Variants in KDM2B observed in about 807,000 individuals in gnomAD.
The protein encoded by KDM2B is lysine demethylase 2B.
Under a neutral mutation model 150.0 loss-of-function variants are expected in KDM2B, and 26 were observed. The observed-to-expected ratio is 0.17, with a 90% CI of 0.13 to 0.24. The LOEUF is 0.24. Among genes scored for constraint, KDM2B ranks in the 10% least tolerant of loss-of-function variants. The pLI is 1.00. For synonymous variants in KDM2B, 734 were observed against 729.5 expected (o/e 1.01, Z -0.10); for missense variants, 1,265 against 1,816.9 (o/e 0.70, Z 5.52).
intron 12 of KDM2B, among the ~76,000 whole-genome samples, chr12:121,492,081 C>T (rs1555300054): frequency 6.6e-6 from 1 of 151,930 alleles, no homozygotes; most frequent in African/African-American, 2.4e-5. Flanking sequence ...TCGCTTGATC[C>T]AGGGAGGCAG....
chr12:121,416,614 T>C, the KDM2B span: 1 of 403,620 alleles, frequency 2.5e-6, no homozygotes, highest in Non-Finnish European at 4.5e-6. Context: ...GACCTGTTTG[T>C]ATCATTTTAT....
At chr12:121,576,620 A>G (rs1555316903) in intron 2 of KDM2B, among the ~76,000 whole-genome samples, 1 of 152,172 alleles carries the variant, frequency 6.6e-6, no homozygotes, top group African/African-American at 2.4e-5. Flanking sequence ...ACAGTCCCCA[A>G]ATCCTTACCC....
chr12:121,578,651 C>T, intron 2 of KDM2B, 151 bp downstream of exon 2: 1 of 224,860 alleles, frequency 4.4e-6, no homozygotes, highest in Non-Finnish European at 8.8e-6. Flanking sequence ...ACCACCCCAC[C>T]CCACCCCCCC....
chr12:121,513,594 G>C lies in KDM2B; in HGVS notation c.1048-192C>G, dbSNP rs1219361965. On this transcript the variant is annotated intron_variant, in intron 9 of 22. Coordinates refer to ENST00000377071, the MANE Select transcript of KDM2B (RefSeq NM_032590.5). The surrounding 1 kb of genome is among the most constrained non-coding windows in gnomAD (Gnocchi z 5.0). Reference sequence around the variant, plus strand: ...CGGCAGCATGCACAAATGAGGCGGAGGACGAGGCCCGCATGAGCGCCTCAT... The same window carrying C: ...CGGCAGCATGCACAAATGAGGCGGACGACGAGGCCCGCATGAGCGCCTCAT... Among the ~76,000 whole-genome samples, 1 of 152,128 alleles carries C rather than the reference G, an allele frequency of 6.6e-6. No individual in the cohort carries two copies. The highest frequency in any genetic ancestry group is 2.4e-5 in the African/African-American group (1 of 41,430).
rs1195628164 is a variant in KDM2B at position 121,443,369 on chromosome 12, A to G, written c.2565+311T>C. 8 of 573,064 alleles carry G rather than the reference A, an allele frequency of 1.4e-5. No homozygotes were observed. In the Admixed American group the frequency reaches 2.5e-4, roughly 18 times the overall value. 35.5% of individuals were successfully genotyped at this position (573,064 alleles called of 1,614,324 possible). A position where few individuals can be genotyped will look rare whatever the true frequency, so the allele number is the denominator to read the frequency against. ...TGTGGGAATCCCCGGCCCAGCAGGA[A>G]TGGCTAGAGCTGGGAGAGACTCCTG... On this transcript the variant is annotated intron_variant, in intron 17 of 22. Coordinates refer to ENST00000377071, the MANE Select transcript of KDM2B (RefSeq NM_032590.5).
Position 121,452,020 on chromosome 12 carries a change from G to A in KDM2B, c.1959+1100C>T, listed in dbSNP as rs1877370095. 6.6e-6 allele frequency among the ~76,000 whole-genome samples: 1 copy of A among 152,114 alleles called. No individual in the cohort carries two copies. The highest frequency in any genetic ancestry group is 1.5e-5 in the Non-Finnish European group (1 of 68,028). The stretch of plus-strand genomic sequence containing the variant: ...CATGGATGAACCCTGAGGACTTTAT[G>A]CTCAGGGCTATAAACAAGCCAATCC... On this transcript the variant is annotated intron_variant, in intron 13 of 22. Coordinates refer to ENST00000377071, the MANE Select transcript of KDM2B (RefSeq NM_032590.5). The surrounding 1 kb of genome is among the most constrained non-coding windows in gnomAD (Gnocchi z 4.4).
chr12:121,526,802 C>T (rs1209487742), intron 8 of KDM2B, among the ~76,000 whole-genome samples: 2 of 152,114 alleles, frequency 1.3e-5, no homozygotes, highest in South Asian at 2.1e-4. Context: ...GAGGCCGAGG[C>T]GGGCCGATCA....
chr12:121,526,005 GT>G (rs2141313937), intron 8 of KDM2B, among the ~76,000 whole-genome samples: 1 of 152,290 alleles, frequency 6.6e-6, no homozygotes, highest in African/African-American at 2.4e-5. Flanking sequence ...TCTGTCTTAT[GT>G]CCCCTCCAAG....
At chr12:121,440,391 C>G in intron 21 of KDM2B, 1 of 450,610 alleles carries the variant, frequency 2.2e-6, no homozygotes, top group African/African-American at 2.0e-5. Context: ...AAGCACGGAC[C>G]TAGGCAGTCC....
In KDM2B at chr12:121,430,587, G is replaced by A. The variant is rs1232894666; in HGVS notation, c.3830-118C>T. 4.2e-6 allele frequency: 3 copies of A among 712,418 alleles called. No individual in the cohort carries two copies. Among genetic ancestry groups the A allele is most frequent in the African/African-American group, 3.5e-5 (2 of 56,776 alleles). 44.1% of individuals were successfully genotyped at this position (712,418 alleles called of 1,614,324 possible). A position where few individuals can be genotyped will look rare whatever the true frequency, so the allele number is the denominator to read the frequency against. Reference sequence around the variant, plus strand: ...CAGAGCTCTACATATTCCAGTCCCTGCTGTGCTGCACTAAATAAAATGTTA... The same window carrying A: ...CAGAGCTCTACATATTCCAGTCCCTACTGTGCTGCACTAAATAAAATGTTA... On this transcript the variant is annotated intron_variant, in intron 22 of 22. Coordinates refer to ENST00000377071, the MANE Select transcript of KDM2B (RefSeq NM_032590.5). The surrounding 1 kb of genome is among the most constrained non-coding windows in gnomAD (Gnocchi z 4.4).
chr12:121,489,826 A>AT (rs1295979579), intron 12 of KDM2B, among the ~76,000 whole-genome samples: 2 of 152,148 alleles, frequency 1.3e-5, no homozygotes, highest in East Asian at 3.9e-4. Flanking sequence ...AGGAAGCTGT[A>AT]TTTTTTCACA....
At chr12:121,509,004 T>C (rs1383154597) in intron 11 of KDM2B, among the ~76,000 whole-genome samples, 1 of 152,112 alleles carries the variant, frequency 6.6e-6, no homozygotes, top group Non-Finnish European at 1.5e-5. Context: ...TTCCAATAAG[T>C]GCTGAGAAGA....
At chr12:121,507,373 A>G (rs1885181916) in intron 11 of KDM2B, among the ~76,000 whole-genome samples, 1 of 152,198 alleles carries the variant, frequency 6.6e-6, no homozygotes. Flanking sequence ...CAAAAAAATA[A>G]AAGTACTCCA....
At chr12:121,515,586 C>G (rs1886102679) in intron 9 of KDM2B, among the ~76,000 whole-genome samples, 1 of 145,132 alleles carries the variant, frequency 6.9e-6, no homozygotes, top group South Asian at 2.3e-4. Context: ...AGGTGACATT[C>G]CCCATCTGGG....
the KDM2B span, among the ~76,000 whole-genome samples, chr12:121,411,514 T>G: frequency 6.6e-6 from 1 of 152,202 alleles, no homozygotes; most frequent in African/African-American, 2.4e-5. Context: ...CTTCCCTAAT[T>G]CATTGTAAAA....
At chr12:121,435,310 A>G (rs782540294) in intron 22 of KDM2B, among the ~76,000 whole-genome samples, 4 of 152,148 alleles carry the variant, frequency 2.6e-5, no homozygotes, top group Admixed American at 6.5e-5. Flanking sequence ...CAACATAATT[A>G]TTTTTCTAAT....
the KDM2B span, among the ~76,000 whole-genome samples, chr12:121,412,228 ATCTTTTTTT>A: frequency 8.0e-6 from 1 of 124,950 alleles, no homozygotes; most frequent in African/African-American, 3.4e-5. Flanking sequence ...TGCCCAACTA[ATCTTTTTTT>A]TTTTTTTTTT....
intron 12 of KDM2B, among the ~76,000 whole-genome samples, chr12:121,492,760 C>T (rs1215955632): frequency 4.0e-5 from 6 of 149,756 alleles, no homozygotes; most frequent in East Asian, 4.1e-4. Context: ...ACTCCGGAGG[C>T]GGAGGATGCA....
At chr12:121,530,105 G>A (rs1008951232) in intron 8 of KDM2B, among the ~76,000 whole-genome samples, 16 of 151,258 alleles carry the variant, frequency 1.1e-4, no homozygotes, top group Non-Finnish European at 2.4e-4. Context: ...GCGGGTGCCT[G>A]TGGTCCCAGC....
Sources: allele counts gnomAD v4.1 joint callset (sites outside exome capture counted in the v4.1 genomes callset), GRCh38; gene constraint gnomAD v4.1.1; non-coding constraint Gnocchi (gnomAD v3.1); transcripts MANE v1.5; gene names NCBI Gene and HGNC (gene_info 2026-07-23, HGNC 2026-07-21).